The following TLK1 variants were observed in gnomAD, a reference collection of about 807,000 sequenced individuals.
TLK1 encodes tousled like kinase 1.
A neutral mutation model predicts 105.3 loss-of-function variants in TLK1; 24 were observed. The observed-to-expected ratio is 0.23, with a 90% confidence interval of 0.17 to 0.32. The LOEUF is 0.32. Ranked by LOEUF, TLK1 falls within the 10% of genes least tolerant of loss-of-function variation. The pLI is 1.00. For missense variants in TLK1, 558 were observed against 910.5 expected (o/e 0.61, Z 4.98); for synonymous variants, 321 against 310.4 (o/e 1.03, Z -0.36).
At chr2:171,113,555 G>A (rs1008857649) in intron 2 of TLK1, among the ~76,000 whole-genome samples, 3 of 152,014 alleles carry the variant, frequency 2.0e-5, no homozygotes, top group Non-Finnish European at 1.5e-5. Flanking sequence ...TTACAAGCGT[G>A]AGCCACCACA....
chr2:171,190,967 G>T (rs1382730164), intron 1 of TLK1, among the ~76,000 whole-genome samples: 1 of 151,754 alleles, frequency 6.6e-6, no homozygotes, highest in Non-Finnish European at 1.5e-5. Context: ...TTCAAGACTA[G>T]CCTGGCCAAT....
chr2:171,017,853 A>C (rs1195904271), intron 12 of TLK1, among the ~76,000 whole-genome samples: 1 of 152,214 alleles, frequency 6.6e-6, no homozygotes, highest in Admixed American at 6.5e-5. Context: ...CTATGTCTTA[A>C]ATAGATAGAT....
chr2:171,115,510 C>T (rs1350619115), intron 2 of TLK1, among the ~76,000 whole-genome samples: 1 of 152,060 alleles, frequency 6.6e-6, no homozygotes, highest in African/African-American at 2.4e-5. Flanking sequence ...ATACCATCTT[C>T]GTAGTCTAAT....
chr2:171,056,216 C>T (rs771150870), intron 6 of TLK1, among the ~76,000 whole-genome samples: 7 of 152,036 alleles, frequency 4.6e-5, no homozygotes, highest in Non-Finnish European at 7.4e-5. Context: ...AACAGGCATT[C>T]TTTTAACATA....
intron 2 of TLK1, among the ~76,000 whole-genome samples, chr2:171,089,177 A>G (rs1243929828): frequency 6.6e-6 from 1 of 152,208 alleles, no homozygotes; most frequent in East Asian, 1.9e-4. Context: ...AATTATGAAC[A>G]TGAATTGTGT....
chr2:171,069,861 A>G (rs950325963), intron 3 of TLK1, among the ~76,000 whole-genome samples: 2 of 152,244 alleles, frequency 1.3e-5, no homozygotes, highest in Admixed American at 6.5e-5. Flanking sequence ...TGTAACCAAC[A>G]TAAACAAAAG....
intron 1 of TLK1, among the ~76,000 whole-genome samples, chr2:171,128,984 ATG>A (rs1690984261): frequency 6.7e-6 from 1 of 149,974 alleles, no homozygotes; most frequent in South Asian, 2.1e-4. Context: ...GTGTGTGTGT[ATG>A]TGTGTGTGCA....
At chr2:171,126,258 A>G (rs2105546827) in intron 1 of TLK1, among the ~76,000 whole-genome samples, 1 of 152,306 alleles carries the variant, frequency 6.6e-6, no homozygotes, top group African/African-American at 2.4e-5. Flanking sequence ...ATTCAATATG[A>G]TGAAGAAAAA....
chr2:171,178,212 T>G (rs562441259), intron 1 of TLK1, among the ~76,000 whole-genome samples: 6 of 152,242 alleles, frequency 3.9e-5, no homozygotes, highest in Non-Finnish European at 8.8e-5. Context: ...TCTTCTCATT[T>G]TTTTAAGCAG....
chr2:171,049,751 T>C, intron 10 of TLK1, 63 bp downstream of exon 10: 1 of 1,588,038 alleles, frequency 6.3e-7, no homozygotes, highest in Middle Eastern at 1.9e-4. Flanking sequence ...AAATCTATAA[T>C]CTTTTAAAGT....
chr2:171,085,894 A>T (rs945938811), intron 2 of TLK1, among the ~76,000 whole-genome samples: 1 of 152,232 alleles, frequency 6.6e-6, no homozygotes, highest in Non-Finnish European at 1.5e-5. Context: ...CAGTATTTTT[A>T]AAACTAGGGG....
At chr2:171,099,258 C>T (rs1397394761) in intron 2 of TLK1, among the ~76,000 whole-genome samples, 3 of 151,872 alleles carry the variant, frequency 2.0e-5, no homozygotes, top group Non-Finnish European at 2.9e-5. Context: ...ACTTCATTTA[C>T]AATACTATCA....
At chr2:171,097,448 CA>C (rs1232494196) in intron 2 of TLK1, among the ~76,000 whole-genome samples, 1 of 151,936 alleles carries the variant, frequency 6.6e-6, no homozygotes, top group African/African-American at 2.4e-5. Flanking sequence ...AAAATATAGG[CA>C]ACAAAAGCAA....
intron 11 of TLK1, among the ~76,000 whole-genome samples, chr2:171,036,354 G>A (rs907532777): frequency 6.6e-6 from 1 of 152,118 alleles, no homozygotes; most frequent in African/African-American, 2.4e-5. Context: ...GCTGAGGCAG[G>A]AGAATCACTT....
intron 15 of TLK1, 31 bp from the exon 16 acceptor site, chr2:171,006,920 G>C (rs1488809618): frequency 7.5e-6 from 12 of 1,603,736 alleles, no homozygotes; most frequent in Non-Finnish European, 9.4e-6. Flanking sequence ...AATTCTCCAT[G>C]ATCATTCAAA....
At chr2:171,018,165 G>C (rs1218063028) in intron 12 of TLK1, among the ~76,000 whole-genome samples, 1 of 152,150 alleles carries the variant, frequency 6.6e-6, no homozygotes, top group Non-Finnish European at 1.5e-5. Context: ...GGCCTTATGA[G>C]AAGAAAGGTT....
chr2:170,999,110 T>C (rs566167147), intron 18 of TLK1, among the ~76,000 whole-genome samples: 10 of 152,290 alleles, frequency 6.6e-5, no homozygotes, highest in Admixed American at 2.0e-4. Flanking sequence ...CAATTTGTCA[T>C]CTCCAGTTAT....
At chr2:171,198,090 G>A (rs1693310892) in intron 1 of TLK1, among the ~76,000 whole-genome samples, 3 of 152,102 alleles carry the variant, frequency 2.0e-5, no homozygotes, top group Admixed American at 6.6e-5. Flanking sequence ...GCATAGGGGA[G>A]ATGGTCTTTC....
At chr2:171,093,228 T>C (rs944802068) in intron 2 of TLK1, among the ~76,000 whole-genome samples, 7 of 152,192 alleles carry the variant, frequency 4.6e-5, no homozygotes, top group Admixed American at 3.9e-4. Flanking sequence ...ACACAGTCCT[T>C]TGTCTTCAAG....
Sources: gnomAD v4.1 joint callset for allele counts (sites outside exome capture counted in the v4.1 genomes callset) on GRCh38, gnomAD v4.1.1 for gene constraint, MANE v1.5 for transcripts, NCBI Gene and HGNC (gene_info 2026-07-23, HGNC 2026-07-21) for gene names.